GPR39: variants seen among roughly 807,000 people sequenced by gnomAD.
GPR39 encodes G protein-coupled receptor 39.
Under a neutral mutation model 18.4 loss-of-function variants are expected in GPR39, and 23 were observed. That is an observed-to-expected ratio of 1.25 (90% CI 0.90 to 1.77). The LOEUF is 1.77. Among genes scored for constraint, GPR39 ranks in the 40% most tolerant of loss-of-function variants. The pLI is 0.00. For missense variants in GPR39, 647 were observed against 602.4 expected (o/e 1.07, Z -0.78); for synonymous variants, 280 against 257.9 (o/e 1.09, Z -0.82).
chr2:132,530,878 T>G (rs1042160923), intron 1 of GPR39, among the ~76,000 whole-genome samples: 2 of 152,014 alleles, frequency 1.3e-5, no homozygotes, highest in Non-Finnish European at 2.9e-5. Context: ...AGGAACAACT[T>G]GTACCAGCCA....
chr2:132,529,361 C>T (rs761332775), intron 1 of GPR39, among the ~76,000 whole-genome samples: 10 of 152,252 alleles, frequency 6.6e-5, no homozygotes, highest in East Asian at 1.9e-4. Flanking sequence ...CCAGGAAGCT[C>T]GAACTGGGTG....
At chr2:132,479,246 G>T (rs962994831) in intron 1 of GPR39, among the ~76,000 whole-genome samples, 1 of 152,166 alleles carries the variant, frequency 6.6e-6, no homozygotes, top group Non-Finnish European at 1.5e-5. Flanking sequence ...TTTTTGTTCC[G>T]TAGTGAGATG....
chr2:132,576,022 T>C (rs1042280801), intron 1 of GPR39, among the ~76,000 whole-genome samples: 10 of 152,284 alleles, frequency 6.6e-5, no homozygotes, highest in Middle Eastern at 3.4e-3. Context: ...CTTGGCACCT[T>C]GATCTTGGAC....
At chr2:132,469,946 G>T (rs568324685) in intron 1 of GPR39, among the ~76,000 whole-genome samples, 2 of 152,322 alleles carry the variant, frequency 1.3e-5, no homozygotes, top group Admixed American at 6.5e-5. Flanking sequence ...TCTCAGAGGA[G>T]TTGGCAAAAG....
Position 132,417,532 on chromosome 2 carries a change from G to T in GPR39, c.490G>T (p.Ala164Ser). The change falls in exon 1 of 2, where the codon GCC (alanine) becomes TCC (serine). Residue 164 changes from alanine to serine, a missense_variant. Ala to Ser is a moderately conservative substitution (Grantham distance 99, BLOSUM62 1). Transcript: ENST00000329321. Reference sequence around the variant, plus strand: ...GATTGGCTTCGTCTGGGTCACCTCCGCCCTGGTGGCACTGCCCTTGCTGTT... The same window carrying T: ...GATTGGCTTCGTCTGGGTCACCTCCTCCCTGGTGGCACTGCCCTTGCTGTT... ...LLIGFVWVTS[A>S]LVALPLLFAM... 6.2e-7 allele frequency: 1 copy of T among 1,614,136 alleles called. No homozygotes were observed.
Position 132,417,818 on chromosome 2 carries a change from G to A in GPR39, c.776G>A (p.Gly259Glu), listed in dbSNP as rs764294224. ...LMKSQKGSLAGGTRPPQLRKS... is the reference protein window; with the variant it reads ...LMKSQKGSLAEGTRPPQLRKS... Reference sequence around the variant, plus strand: ...AAAAGCCAGAAGGGCTCGCTGGCCGGGGGCACGCGGCCTCCGCAGCTGAGG... The same window carrying A: ...AAAAGCCAGAAGGGCTCGCTGGCCGAGGGCACGCGGCCTCCGCAGCTGAGG... The change falls in exon 1 of 2, where the codon GGG becomes GAG. Residue 259 changes from glycine (G) to glutamate (E), a missense_variant. Around this residue, in one of 3 missense-constraint regions of GPR39, gnomAD observed 581 missense variants for 506.8 expected, o/e 1.15. Transcript: ENST00000329321. 1 of 1,613,890 alleles carries A rather than the reference G, an allele frequency of 6.2e-7. No homozygotes were observed. The highest frequency in any genetic ancestry group is 8.5e-7 in the Non-Finnish European group (1 of 1,180,034).
chr2:132,548,437 C>T (rs914841176), intron 1 of GPR39, among the ~76,000 whole-genome samples: 4 of 152,192 alleles, frequency 2.6e-5, no homozygotes, highest in African/African-American at 7.2e-5. Context: ...AGTCCATCTA[C>T]GCTGGCAGTT....
chr2:132,479,588 A>C (rs892890929), intron 1 of GPR39, among the ~76,000 whole-genome samples: 3 of 152,202 alleles, frequency 2.0e-5, no homozygotes, highest in Non-Finnish European at 4.4e-5. Flanking sequence ...GATCAGAAAC[A>C]GGAAAGAAGA....
chr2:132,585,948 G>GTTTTGT (rs751487058), intron 1 of GPR39, among the ~76,000 whole-genome samples: 2 of 62,974 alleles, frequency 3.2e-5, no homozygotes, highest in Admixed American at 2.6e-4. Context: ...AGCATCCCCG[G>GTTTTGT]TTTTTTTTTT....
At chr2:132,628,502 T>G (rs562917585) in intron 1 of GPR39, among the ~76,000 whole-genome samples, 1 of 152,294 alleles carries the variant, frequency 6.6e-6, no homozygotes, top group East Asian at 1.9e-4. Flanking sequence ...AGAAAATAAT[T>G]GGGCTGTCCT....
chr2:132,563,613 T>A (rs573328881), intron 1 of GPR39, among the ~76,000 whole-genome samples: 3 of 152,218 alleles, frequency 2.0e-5, no homozygotes, highest in Non-Finnish European at 4.4e-5. Flanking sequence ...CACCTGGCTA[T>A]GATCAGTCAT....
At chr2:132,492,046 T>TAC (rs1681473296) in intron 1 of GPR39, among the ~76,000 whole-genome samples, 1 of 150,772 alleles carries the variant, frequency 6.6e-6, no homozygotes, top group Non-Finnish European at 1.5e-5. Context: ...CACATATATA[T>TAC]ACACCACATA....
chr2:132,592,583 G>A (rs1280394220), intron 1 of GPR39, among the ~76,000 whole-genome samples: 2 of 152,174 alleles, frequency 1.3e-5, no homozygotes, highest in Non-Finnish European at 2.9e-5. Context: ...GGAGTGACAT[G>A]ATCTGATCTG....
chr2:132,580,050 T>C (rs1268669518), intron 1 of GPR39, among the ~76,000 whole-genome samples: 1 of 152,238 alleles, frequency 6.6e-6, no homozygotes, highest in Admixed American at 6.5e-5. Flanking sequence ...GTGAGCTCTA[T>C]GAGAGGTAGT....
intron 1 of GPR39, among the ~76,000 whole-genome samples, chr2:132,539,336 G>A (rs1384953767): frequency 6.6e-6 from 1 of 152,102 alleles, no homozygotes; most frequent in Non-Finnish European, 1.5e-5. Flanking sequence ...ATGAAGTGAC[G>A]CCTCACCCTG....
chr2:132,567,096 G>T (rs1278104428), intron 1 of GPR39, among the ~76,000 whole-genome samples: 1 of 152,168 alleles, frequency 6.6e-6, no homozygotes, highest in East Asian at 1.9e-4. Context: ...ACTTTGGGAG[G>T]CCGAGGCAGG....
chr2:132,441,395 GT>G (rs1680436801), intron 1 of GPR39, among the ~76,000 whole-genome samples: 1 of 61,778 alleles, frequency 1.6e-5, no homozygotes. Flanking sequence ...TTTTTTTTTT[GT>G]TGTTGTTGTT....
rs528348860 is a variant in GPR39 at position 132,618,844 on chromosome 2, G to A, written c.857-26257G>A. Among the ~76,000 whole-genome samples, 849 of 152,362 alleles carry A rather than the reference G, an allele frequency of 5.6e-3. 8 individuals are homozygous for A. The highest frequency in any genetic ancestry group is 8.6e-3 in the Non-Finnish European group (588 of 68,038). Reference sequence around the variant, plus strand: ...GTTGTGGAGGTCCCTACGGAACTGAGGGCGTTTAGAAGATGGGAGAGGGGC... The same window carrying A: ...GTTGTGGAGGTCCCTACGGAACTGAAGGCGTTTAGAAGATGGGAGAGGGGC... On this transcript the variant is annotated intron_variant, in intron 1 of 1. Transcript: ENST00000329321.
intron 1 of GPR39, among the ~76,000 whole-genome samples, chr2:132,513,489 C>T (rs1176208260): frequency 1.3e-5 from 2 of 151,898 alleles, no homozygotes; most frequent in African/African-American, 4.8e-5. Context: ...TGTATTCCAC[C>T]GCTAGATATC....
Sources: allele counts gnomAD v4.1 joint callset (sites outside exome capture counted in the v4.1 genomes callset), GRCh38; gene constraint gnomAD v4.1.1; regional missense constraint gnomAD v4.1.1; transcripts MANE v1.5; gene names NCBI Gene and HGNC (gene_info 2026-07-23, HGNC 2026-07-21).